The following HDAC9 variants were observed in gnomAD, a reference collection of about 807,000 sequenced individuals.
HDAC9 encodes the protein histone deacetylase 9.
A neutral mutation model predicts 139.4 loss-of-function variants in HDAC9; 41 were observed. The ratio of observed to expected loss-of-function variants is 0.29; its 90% CI spans 0.23 to 0.38. HDAC9 has a LOEUF of 0.38. HDAC9 is among the 10% of genes least tolerant of loss of function. The pLI is 1.00. For synonymous variants in HDAC9, 517 were observed against 476.2 expected, an observed-to-expected ratio of 1.09 and a Z score of -1.12; for missense variants, 1,147 against 1,297.0, an observed-to-expected ratio of 0.88 and a Z score of 1.78.
chr7:18,858,488 A>T (rs1297363797), intron 21 of HDAC9, among the ~76,000 whole-genome samples: 3 of 152,160 alleles, frequency 2.0e-5, no homozygotes, highest in Admixed American at 2.0e-4. Context: ...CACCCCCATG[A>T]TTCAATTATC....
chr7:18,746,922 C>G (rs1448437455), intron 13 of HDAC9, among the ~76,000 whole-genome samples: 2 of 151,930 alleles, frequency 1.3e-5, no homozygotes, highest in Admixed American at 6.6e-5. Flanking sequence ...AGTAGGAGAC[C>G]TAATTTAGAG....
At chr7:18,555,603 A>G (rs1264291866) in intron 2 of HDAC9, among the ~76,000 whole-genome samples, 1 of 152,284 alleles carries the variant, frequency 6.6e-6, no homozygotes, top group Admixed American at 6.5e-5. Flanking sequence ...AGATGTGTGT[A>G]TATGAAAAAG....
At chr7:18,449,298 T>A (rs954597170) in intron 1 of HDAC9, among the ~76,000 whole-genome samples, 1 of 152,108 alleles carries the variant, frequency 6.6e-6, no homozygotes, top group Non-Finnish European at 1.5e-5. Context: ...TGAAAAAGAA[T>A]GAGCCATTGT....
intron 2 of HDAC9, among the ~76,000 whole-genome samples, chr7:18,189,639 A>T (rs905821302): frequency 6.6e-6 from 1 of 152,100 alleles, no homozygotes; most frequent in Non-Finnish European, 1.5e-5. Flanking sequence ...ACACAGGTGC[A>T]TGCCTGTGAT....
At chr7:18,948,039 A>G (rs145434294) in intron 23 of HDAC9, among the ~76,000 whole-genome samples, 1 of 152,168 alleles carries the variant, frequency 6.6e-6, no homozygotes, top group East Asian at 1.9e-4. Flanking sequence ...ATAATGAACA[A>G]TTTTTACAAA....
intron 22 of HDAC9, among the ~76,000 whole-genome samples, chr7:18,921,398 C>A (rs1803707998): frequency 6.6e-6 from 1 of 151,862 alleles, no homozygotes; most frequent in African/African-American, 2.4e-5. Context: ...AAAAACAACC[C>A]CATCAAAAAG....
chr7:18,821,064 C>G (rs971952842), intron 17 of HDAC9, among the ~76,000 whole-genome samples: 2 of 152,154 alleles, frequency 1.3e-5, no homozygotes, highest in African/African-American at 4.8e-5. Flanking sequence ...TCCAAAATGG[C>G]ACTTTGTTGC....
chr7:18,921,979 C>CA (rs1437142056), intron 22 of HDAC9, among the ~76,000 whole-genome samples: 2 of 146,812 alleles, frequency 1.4e-5, no homozygotes, highest in African/African-American at 5.0e-5. Context: ...CTCACAAGGA[C>CA]AAAAAACCAA....
intron 1 of HDAC9, among the ~76,000 whole-genome samples, chr7:18,332,508 T>A (rs962104317): frequency 1.3e-5 from 2 of 151,352 alleles, no homozygotes; most frequent in Non-Finnish European, 3.0e-5. Flanking sequence ...ATACTTAAAA[T>A]TGAGTATATT....
At chr7:18,206,375 C>G (rs1055093345) in intron 2 of HDAC9, among the ~76,000 whole-genome samples, 1 of 152,106 alleles carries the variant, frequency 6.6e-6, no homozygotes, top group East Asian at 1.9e-4. Context: ...TTTCATTATT[C>G]CAGTTTCTAA....
intron 2 of HDAC9, among the ~76,000 whole-genome samples, chr7:18,244,791 C>T (rs1332551034): frequency 6.7e-6 from 1 of 148,282 alleles, no homozygotes; most frequent in Non-Finnish European, 1.5e-5. Context: ...GAGTGAGAGA[C>T]AGAGTGAGCC....
intron 21 of HDAC9, among the ~76,000 whole-genome samples, chr7:18,838,682 T>C (rs1281243180): frequency 6.6e-6 from 1 of 152,042 alleles, no homozygotes; most frequent in Non-Finnish European, 1.5e-5. Flanking sequence ...TCTTGTTTCC[T>C]AGTATTGAAC....
At chr7:18,637,756 A>G (rs1784351422) in intron 8 of HDAC9, among the ~76,000 whole-genome samples, 2 of 151,920 alleles carry the variant, frequency 1.3e-5, no homozygotes, top group African/African-American at 2.4e-5. Flanking sequence ...AAAAAATGCA[A>G]CCCTGATGGC....
intron 1 of HDAC9, among the ~76,000 whole-genome samples, chr7:18,094,242 C>A (rs1782357302): frequency 6.6e-6 from 1 of 152,170 alleles, no homozygotes; most frequent in Admixed American, 6.5e-5. Context: ...CCAGCCCCAG[C>A]TTGACTGGGG....
intron 2 of HDAC9, among the ~76,000 whole-genome samples, chr7:18,547,514 C>T (rs1025222909): frequency 6.6e-5 from 10 of 152,296 alleles, no homozygotes; most frequent in African/African-American, 1.4e-4. Flanking sequence ...GGATTACAGG[C>T]GTGAGCCACC....
intron 6 of HDAC9, among the ~76,000 whole-genome samples, chr7:18,610,013 A>G (rs1836670065): frequency 6.6e-6 from 1 of 152,118 alleles, no homozygotes; most frequent in Non-Finnish European, 1.5e-5. Context: ...AGGATCTAGA[A>G]CTAGAAATAC....
chr7:18,824,069 GAAGAAGAAGAAGAAGAAGAAC>G (rs1562966467), intron 17 of HDAC9, among the ~76,000 whole-genome samples: 1 of 150,222 alleles, frequency 6.7e-6, no homozygotes. Context: ...AGAAGAAGAA[GAAGAAGAAGAAGAAGAAGAAC>G]AAGAACAAGA....
At chr7:18,146,554 T>G (rs1221788150) in intron 1 of HDAC9, among the ~76,000 whole-genome samples, 1 of 152,202 alleles carries the variant, frequency 6.6e-6, no homozygotes, top group East Asian at 1.9e-4. Context: ...TTCTCAGGCT[T>G]AAAAGAAAGA....
At chr7:18,989,363 CT>C (rs201183514) in intron 25 of HDAC9, among the ~76,000 whole-genome samples, 3,140 of 151,926 alleles carry the variant, frequency 0.021, 99 homozygotes, top group African/African-American at 0.07. Flanking sequence ...GTTGAAAATT[CT>C]TTTCTTTAAT....
Sources: gnomAD v4.1 joint callset for allele counts (sites outside exome capture counted in the v4.1 genomes callset) on GRCh38, gnomAD v4.1.1 for gene constraint, MANE v1.5 for transcripts, NCBI Gene and HGNC (gene_info 2026-07-23, HGNC 2026-07-21) for gene names.